Variants in SPMIP4 observed in about 807,000 individuals in gnomAD.
SPMIP4 encodes the protein sperm microtubule inner protein 4.
chr7:25,142,141 C>T, the SPMIP4 span: 3 of 761,264 alleles, frequency 3.9e-6, no homozygotes, highest in Non-Finnish European at 4.4e-6. Flanking sequence ...TTTCCATTTG[C>T]TAACTTGGTT....
At chr7:25,153,386 A>G in the SPMIP4 span, among the ~76,000 whole-genome samples, 2 of 152,020 alleles carry the variant, frequency 1.3e-5, no homozygotes, top group African/African-American at 4.8e-5. Flanking sequence ...CAACATGGTG[A>G]AACCCTGTCT....
chr7:25,135,743 T>C, the SPMIP4 span: 2 of 1,168,160 alleles, frequency 1.7e-6, no homozygotes, highest in Admixed American at 3.9e-5. Context: ...TAAATTTTTC[T>C]AGTTCTAATA....
At chr7:25,136,239 TTC>T in the SPMIP4 span, 1 of 1,614,192 alleles carries the variant, frequency 6.2e-7, no homozygotes, top group South Asian at 1.1e-5. This position sits in a 1 kb window ranked among gnomAD's most constrained non-coding sequence, Gnocchi z 5.7. Context: ...TTAAAAAATG[TTC>T]TAAAGTGAAA....
chr7:25,141,543 G>T, the SPMIP4 span, among the ~76,000 whole-genome samples: 1 of 126,344 alleles, frequency 7.9e-6, no homozygotes, highest in Non-Finnish European at 1.6e-5. Flanking sequence ...CCGTACTCCA[G>T]CCTGGCAACA....
chr7:25,158,534 G>A, the SPMIP4 span: 1 of 1,608,332 alleles, frequency 6.2e-7, no homozygotes, highest in Non-Finnish European at 8.5e-7. Flanking sequence ...GGGTATCCTA[G>A]AATAAAAACA....
chr7:25,136,664 G>T, the SPMIP4 span: 1 of 1,614,124 alleles, frequency 6.2e-7, no homozygotes, highest in South Asian at 1.1e-5. The surrounding 1 kb of genome is among the most constrained non-coding windows in gnomAD (Gnocchi z 5.7). Context: ...AAAACTCTAG[G>T]AGTACAATCT....
At chr7:25,167,392 T>C in the SPMIP4 span, among the ~76,000 whole-genome samples, 763 of 152,354 alleles carry the variant, frequency 5.0e-3, 2 homozygotes, top group Non-Finnish European at 7.4e-3. Context: ...CAGAAAGACA[T>C]TACAGTTCCA....
At chr7:25,166,905 A>T in the SPMIP4 span, among the ~76,000 whole-genome samples, 1 of 152,090 alleles carries the variant, frequency 6.6e-6, no homozygotes, top group Admixed American at 6.5e-5. Flanking sequence ...CAAAAAAAAA[A>T]ATTAAGAGAT....
the SPMIP4 span, among the ~76,000 whole-genome samples, chr7:25,146,942 G>T: frequency 2.0e-5 from 3 of 152,122 alleles, no homozygotes; most frequent in Non-Finnish European, 4.4e-5. Flanking sequence ...TGAGAAACAG[G>T]ACAAAAGCCT....
the SPMIP4 span, among the ~76,000 whole-genome samples, chr7:25,133,999 C>T: frequency 2.6e-5 from 4 of 152,180 alleles, no homozygotes; most frequent in East Asian, 1.9e-4. Flanking sequence ...TGGTGGCTCA[C>T]GCTTGTAATC....
chr7:25,132,935 T>C, the SPMIP4 span, among the ~76,000 whole-genome samples: 4 of 152,218 alleles, frequency 2.6e-5, no homozygotes, highest in Non-Finnish European at 4.4e-5. The surrounding 1 kb of genome is among the most constrained non-coding windows in gnomAD (Gnocchi z 5.0). Context: ...TTTCAAATTA[T>C]AACTACTCTT....
the SPMIP4 span, chr7:25,158,524 G>T: frequency 1.2e-6 from 2 of 1,609,474 alleles, no homozygotes; most frequent in South Asian, 2.2e-5. Flanking sequence ...TAGGCGGCTT[G>T]GGTATCCTAG....
chr7:25,150,056 G>C, the SPMIP4 span, among the ~76,000 whole-genome samples: 233 of 152,264 alleles, frequency 1.5e-3, 2 homozygotes, highest in Middle Eastern at 0.02. Context: ...AAGGGAAATG[G>C]CATGAACCTG....
the SPMIP4 span, among the ~76,000 whole-genome samples, chr7:25,164,483 C>A: frequency 1.1e-4 from 17 of 152,148 alleles, no homozygotes; most frequent in African/African-American, 3.1e-4. Flanking sequence ...CAGCCTTACA[C>A]ACAGGCAGAA....
the SPMIP4 span, among the ~76,000 whole-genome samples, chr7:25,137,903 G>A: frequency 6.6e-6 from 1 of 152,124 alleles, no homozygotes; most frequent in African/African-American, 2.4e-5. Context: ...AAAATCTTGT[G>A]TAAGATTGGT....
chr7:25,130,032 G>A, the SPMIP4 span, among the ~76,000 whole-genome samples: 2 of 151,902 alleles, frequency 1.3e-5, no homozygotes, highest in Admixed American at 6.5e-5. Context: ...GATGTCAGGA[G>A]TATGAGACCA....
the SPMIP4 span, chr7:25,151,802 G>T: frequency 1.8e-5 from 10 of 569,806 alleles, no homozygotes; most frequent in Non-Finnish European, 1.5e-5. Flanking sequence ...TTTTACCTAT[G>T]TAGTTACAGC....
the SPMIP4 span, chr7:25,161,170 G>T: frequency 1.4e-6 from 2 of 1,457,768 alleles, no homozygotes; most frequent in Non-Finnish European, 9.3e-7. Context: ...TTTATATAAG[G>T]AAAAAAACCC....
At chr7:25,179,488 A>G in the SPMIP4 span, 1 of 492,000 alleles carries the variant, frequency 2.0e-6, no homozygotes. Flanking sequence ...AGAGACCTAA[A>G]TAAGTTCTAT....
Sources: allele counts gnomAD v4.1 joint callset (sites outside exome capture counted in the v4.1 genomes callset), GRCh38; gene constraint gnomAD v4.1.1; non-coding constraint Gnocchi (gnomAD v3.1); transcripts MANE v1.5; gene names NCBI Gene and HGNC (gene_info 2026-07-23, HGNC 2026-07-21).